Variants in F8 observed in about 807,000 individuals in gnomAD.
F8 encodes coagulation factor VIII, also known as antihemophilic factor.
Under a neutral mutation model 140.6 loss-of-function variants are expected in F8, and 12 were observed. The observed-to-expected ratio is 0.09, with a 90% CI of 0.05 to 0.14. F8 has a LOEUF of 0.14. F8 is among the 10% of genes least tolerant of loss of function. The pLI is 1.00. For synonymous variants in F8, 585 were observed against 614.6 expected, an observed-to-expected ratio of 0.95 and a Z score of 0.71; for missense variants, 1,354 against 1,720.7, an observed-to-expected ratio of 0.79 and a Z score of 3.77.
intron 22 of F8, among the ~76,000 whole-genome samples, chrX:154,868,377 GT>G (rs1169990615): frequency 8.9e-6 from 1 of 112,092 alleles, no homozygotes; most frequent in African/African-American, 3.2e-5. Flanking sequence ...ATGACTGTAG[GT>G]TTCCTGAGGA....
chrX:154,921,452 A>C (rs1475579384), intron 14 of F8, among the ~76,000 whole-genome samples: 1 of 112,156 alleles, frequency 8.9e-6, no homozygotes, highest in Non-Finnish European at 1.9e-5. Context: ...TAGTTCAACC[A>C]TTGTGGAAGT....
At chrX:154,974,783 C>T (rs186395659) in intron 6 of F8, among the ~76,000 whole-genome samples, 91 of 110,447 alleles carry the variant, frequency 8.2e-4, no homozygotes, top group African/African-American at 3.0e-3. Flanking sequence ...TTGATTTGTT[C>T]AAAATTTCCA....
At chrX:154,855,845 C>A (rs182786716) in intron 25 of F8, among the ~76,000 whole-genome samples, 62 of 111,266 alleles carry the variant, frequency 5.6e-4, no homozygotes, top group African/African-American at 2.0e-3. Flanking sequence ...TGACAAGGTG[C>A]ACTACACTCC....
intron 1 of F8, among the ~76,000 whole-genome samples, chrX:155,012,860 TAGTC>T (rs782431124): frequency 1.8e-5 from 2 of 110,633 alleles, no homozygotes; most frequent in Non-Finnish European, 3.8e-5. Flanking sequence ...TTTATAAGAA[TAGTC>T]AGCCGGGCGC....
chrX:154,994,521 C>T (rs1569559995), intron 3 of F8, among the ~76,000 whole-genome samples: 1 of 112,294 alleles, frequency 8.9e-6, no homozygotes, highest in African/African-American at 3.2e-5. Flanking sequence ...GGAGTAGTCC[C>T]TTTTTTTCTG....
chrX:154,928,440 C>G, intron 14 of F8, 131 bp downstream of exon 14: 2 of 590,797 alleles, frequency 3.4e-6, no homozygotes, highest in Admixed American at 5.6e-5. Flanking sequence ...CCTCTCTTCT[C>G]TCTATCTCAC....
intron 22 of F8, among the ~76,000 whole-genome samples, chrX:154,878,615 T>C (rs2072837213): frequency 1.8e-5 from 2 of 110,845 alleles, no homozygotes; most frequent in South Asian, 3.7e-4. Context: ...CTATTCAAAA[T>C]TGTATTGGAA....
Position 154,837,728 on chromosome X carries a change from A to G in F8, c.6925T>C (p.Phe2309Leu). 1 of 1,211,762 alleles carries G rather than the reference A, an allele frequency of 8.3e-7. No homozygotes were observed. The highest frequency in any genetic ancestry group is 1.1e-6 in the Non-Finnish European group (1 of 895,284). The change falls in exon 26 of 26, where the codon TTC becomes CTC. Residue 2309 changes from phenylalanine to leucine, a missense_variant. Phe to Leu is a conservative substitution (Grantham distance 22). Transcript: ENST00000360256. ...VKVFQGNQDS[F>L]TPVVNSLDPP... ...TCTAGAGAGTTCACCACAGGTGTGA[A>G]GGAGTCTTGATTTCCCTGAAAAACC...
rs137852453 is a variant in F8 at position 154,902,120 on chromosome X, G to A, written c.6046C>T (p.Arg2016Trp). ...EMLPSKAGIWRVECLIGEHLH... is the reference protein window; with the variant it reads ...EMLPSKAGIWWVECLIGEHLH... Reference sequence around the variant, plus strand: ...TGCTCGCCAATAAGGCATTCCACCCGCCAAATTCCAGCTTTGGATGGTAAC... The same window carrying A: ...TGCTCGCCAATAAGGCATTCCACCCACCAAATTCCAGCTTTGGATGGTAAC... Residue 2016 changes from arginine (R) to tryptophan (W), a missense_variant, in exon 19 of 26, where the codon CGG becomes TGG. By Grantham distance (101) the Arg-to-Trp change is moderately radical. Around this residue, in one of 4 missense-constraint regions of F8, gnomAD observed 316 missense variants for 485.4 expected, o/e 0.65. Coordinates refer to ENST00000360256, the MANE Select transcript of F8 (RefSeq NM_000132.4). The A allele has an allele frequency of 8.3e-7, 1 of 1,210,019 alleles. No individual in the cohort carries two copies. The highest frequency in any genetic ancestry group is 1.1e-6 in the Non-Finnish European group (1 of 894,097).
intron 9 of F8, among the ~76,000 whole-genome samples, chrX:154,965,498 G>T (rs2073418668): frequency 9.0e-6 from 1 of 111,619 alleles, no homozygotes; most frequent in Non-Finnish European, 1.9e-5. Flanking sequence ...TGGATAGTAA[G>T]TACTCTAAAA....
chrX:154,860,362 G>C (rs1159211965), intron 25 of F8, 70 bp downstream of exon 25: 1 of 1,129,306 alleles, frequency 8.9e-7, no homozygotes, highest in African/African-American at 1.8e-5. Flanking sequence ...ACCTTTTTAT[G>C]TTATGTTAAG....
chrX:154,966,273 C>G, intron 8 of F8, 132 bp from the exon 9 acceptor site: 1 of 894,009 alleles, frequency 1.1e-6, no homozygotes, highest in African/African-American at 2.0e-5. Flanking sequence ...TGATGCTCAG[C>G]TATGTTAGTT....
At chrX:154,991,101 TA>T (rs1557284617) in intron 4 of F8, among the ~76,000 whole-genome samples, 1 of 112,424 alleles carries the variant, frequency 8.9e-6, no homozygotes, top group Non-Finnish European at 1.9e-5. Flanking sequence ...CCTAAGTTTT[TA>T]CTCCGGCAGG....
chrX:154,941,772 C>A lies in F8; in HGVS notation c.2113+5926G>T, dbSNP rs1412465595. 9.1e-5 allele frequency among the ~76,000 whole-genome samples: 10 copies of A among 109,774 alleles called. 1 individual carries two copies. The highest frequency in any genetic ancestry group is 3.8e-5 in the Non-Finnish European group (2 of 52,517). ...ATTGACCACATAGTTGGAAGTAAAG[C>A]TCTCCTCAGCAAATGTAAAACAACA... On this transcript the variant is annotated intron_variant, in intron 13 of 25. Coordinates refer to ENST00000360256, the MANE Select transcript of F8 (RefSeq NM_000132.4).
chrX:154,942,771 A>T (rs1282020956), intron 13 of F8, among the ~76,000 whole-genome samples: 3 of 107,335 alleles, frequency 2.8e-5, no homozygotes, highest in African/African-American at 1.0e-4. Context: ...ATCCTCAATA[A>T]AATACTGGCA....
chrX:155,000,383 A>G (rs2073640208), intron 1 of F8, among the ~76,000 whole-genome samples: 2 of 112,338 alleles, frequency 1.8e-5, no homozygotes, highest in South Asian at 7.3e-4. Context: ...CACTAGTTTC[A>G]TGTGCTGATG....
intron 10 of F8, among the ~76,000 whole-genome samples, chrX:154,959,099 T>C (rs1557281436): frequency 8.9e-6 from 1 of 112,013 alleles, no homozygotes; most frequent in African/African-American, 3.2e-5. Context: ...TACAAGAATG[T>C]CTTTAAGAAG....
rs1557278645 is a variant in F8, at chrX:154,930,349, T to C, written c.3441A>G (p.Gln1147=). The C allele has an allele frequency of 3.3e-6, 4 of 1,209,108 alleles. No individual in the cohort carries two copies. Among genetic ancestry groups the C allele is most frequent in the South Asian group, 1.8e-5 (1 of 56,713 alleles). The change falls in exon 14 of 26, where the codon CAA becomes CAG. Residue 1147 remains glutamine, a synonymous_variant. Transcript: ENST00000360256. ...ATTTTTCTGGTCCTAAGGATACTAA[T>C]TGCTTTGGACTGGGGCCTTGCCCAG... The part of the protein sequence containing the change: ...LNSGQGPSPK[Q]LVSLGPEKSV...
At chrX:155,008,080 A>C (rs1280981176) in intron 1 of F8, among the ~76,000 whole-genome samples, 1 of 110,503 alleles carries the variant, frequency 9.0e-6, no homozygotes, top group Non-Finnish European at 1.9e-5. Flanking sequence ...AGACCTGGGG[A>C]ATCATTGTAC....
Sources: allele counts gnomAD v4.1 joint callset (sites outside exome capture counted in the v4.1 genomes callset), GRCh38; gene constraint gnomAD v4.1.1; regional missense constraint gnomAD v4.1.1; transcripts MANE v1.5; gene names NCBI Gene and HGNC (gene_info 2026-07-23, HGNC 2026-07-21).